Variants in NMT1 observed in about 807,000 individuals in gnomAD.
NMT1 encodes the protein glycylpeptide N-tetradecanoyltransferase 1.
In NMT1, 12 loss-of-function variants were observed where a neutral mutation model predicts 63.4. The ratio of observed to expected loss-of-function variants is 0.19; its 90% CI spans 0.12 to 0.31. The LOEUF (loss-of-function observed/expected upper bound fraction) is 0.31, where lower values mean the gene tolerates loss of function less well. Ranked by LOEUF, NMT1 falls within the 10% of genes least tolerant of loss-of-function variation. NMT1 has a pLI of 1.00. For synonymous variants in NMT1, 228 were observed against 234.3 expected (o/e 0.97, Z 0.25); for missense variants, 432 against 634.6 (o/e 0.68, Z 3.43).
chr17:45,070,597 T>C lies in NMT1; in HGVS notation c.131+9137T>C, dbSNP rs111360250. The stretch of plus-strand genomic sequence containing the variant: ...CACGCCCGGCTAATTTTTTGTATTT[T>C]TAGTAGAGACGGGGTTTCACCGTAT... On this transcript the variant is annotated intron_variant, in intron 1 of 11. Transcript: ENST00000258960. Among the ~76,000 whole-genome samples the C allele has an allele frequency of 6.0e-3, 918 of 152,296 alleles. 11 individuals are homozygous for C. The highest frequency in any genetic ancestry group is 0.021 in the African/African-American group (888 of 41,566).
chr17:45,070,168 G>C (rs1187790469), intron 1 of NMT1, among the ~76,000 whole-genome samples: 1 of 152,144 alleles, frequency 6.6e-6, no homozygotes, highest in East Asian at 1.9e-4. Context: ...ATCCCAGGGA[G>C]GGCCGAGGGT....
At chr17:45,071,795 GTCGTGGGGCACTACTACA>G (rs766860491) in intron 1 of NMT1, among the ~76,000 whole-genome samples, 149 of 152,216 alleles carry the variant, frequency 9.8e-4, no homozygotes, top group Non-Finnish European at 1.9e-3. Flanking sequence ...CACAAGCGTG[GTCGTGGGGCACTACTACA>G]TCGTGAGACT....
At chr17:45,086,970 G>A (rs752402227) in intron 3 of NMT1, among the ~76,000 whole-genome samples, 6 of 149,678 alleles carry the variant, frequency 4.0e-5, no homozygotes, top group Non-Finnish European at 5.9e-5. Context: ...ACCAGCCTGG[G>A]CAACATAGAC....
chr17:45,104,564 A>AT lies in NMT1; in HGVS notation c.1333-293dup. 8.4e-7 allele frequency: 1 copy of AT among 1,192,256 alleles called. No homozygotes were observed. Among genetic ancestry groups the AT allele is most frequent in the Non-Finnish European group, 1.0e-6 (1 of 955,896 alleles). The allele number at this position is 1,192,256 out of a possible 1,614,324, so 73.9% of individuals were successfully genotyped here. On this transcript the variant is annotated intron_variant, in intron 10 of 11. Transcript: ENST00000258960. The surrounding 1 kb of genome is among the most constrained non-coding windows in gnomAD (Gnocchi z 4.2). ...TTGGACTCCAGAGAGGACTGTGGAA[A>AT]TTACTAGAGTTTCAGGGAGGCATAA...
intron 8 of NMT1, among the ~76,000 whole-genome samples, chr17:45,101,728 T>C (rs1430363070): frequency 6.6e-6 from 1 of 151,796 alleles, no homozygotes; most frequent in Non-Finnish European, 1.5e-5. Flanking sequence ...CCTGCTGACA[T>C]GAGGCTGCCT....
At chr17:45,093,510 CAGTT>C (rs2054102701) in intron 3 of NMT1, 171 bp from the exon 4 acceptor site, 2 of 572,180 alleles carry the variant, frequency 3.5e-6, no homozygotes, top group Admixed American at 6.5e-5. Context: ...AATTGGCCCT[CAGTT>C]AGGGGCTAAG....
chr17:45,107,553 C>T lies in NMT1; in HGVS notation c.*1914C>T, dbSNP rs540250520. The T allele has an allele frequency of 6.5e-6, 1 of 152,806 alleles. No homozygotes were observed. Among genetic ancestry groups the T allele is most frequent in the South Asian group, 2.1e-4 (1 of 4,834 alleles). The allele number at this position is 152,806 out of a possible 1,614,324, so 9.5% of individuals were successfully genotyped here. ...GGGGCTTGCTTTGCAGCCCCACAGA[C>T]AACAGTTGCACAGTGCCTCAAGCCC... On this transcript the variant is annotated 3_prime_UTR_variant, in exon 12 of 12. Coordinates refer to ENST00000258960, the MANE Select transcript of NMT1 (RefSeq NM_021079.5).
intron 2 of NMT1, among the ~76,000 whole-genome samples, chr17:45,082,506 T>G (rs1361682856): frequency 6.6e-6 from 1 of 152,200 alleles, no homozygotes; most frequent in Non-Finnish European, 1.5e-5. Context: ...CACAGAGTCT[T>G]TCTGAGTTCT....
At chr17:45,098,297 T>G (rs1289144103) in intron 6 of NMT1, 85 bp from the exon 7 acceptor site, 1 of 1,326,576 alleles carries the variant, frequency 7.5e-7, no homozygotes, top group African/African-American at 1.4e-5. Flanking sequence ...ACCTGGTCCT[T>G]CTAGGTGTGG....
chr17:45,098,520 G>T lies in NMT1; in HGVS notation c.852G>T (p.Gly284=), dbSNP rs777042262. ...EGIFQAVYTA[G]VVLPKPVGTC... Reference sequence around the variant, plus strand: ...TCTTCCAAGCAGTTTACACTGCCGGGGTGGTACTACCAAAGCCCGTTGGCA... The same window carrying T: ...TCTTCCAAGCAGTTTACACTGCCGGTGTGGTACTACCAAAGCCCGTTGGCA... The change falls in exon 7 of 12, where the codon GGG becomes GGT. Residue 284 remains glycine (G), a synonymous_variant. Coordinates refer to ENST00000258960, the MANE Select transcript of NMT1 (RefSeq NM_021079.5). 2 of 1,614,168 alleles carry T rather than the reference G, an allele frequency of 1.2e-6. No homozygotes were observed. Among genetic ancestry groups the T allele is most frequent in the South Asian group, 2.2e-5 (2 of 91,084 alleles).
intron 1 of NMT1, among the ~76,000 whole-genome samples, chr17:45,079,351 C>T (rs8067053): frequency 0.21 from 31,743 of 152,012 alleles, 3,691 homozygotes; most frequent in African/African-American, 0.28. Flanking sequence ...ATCTGTCTGC[C>T]GCGGCTTCCC....
chr17:45,101,937 C>T (rs892250691), intron 8 of NMT1, among the ~76,000 whole-genome samples: 3 of 152,168 alleles, frequency 2.0e-5, no homozygotes, highest in African/African-American at 7.2e-5. Flanking sequence ...CGTTCTAGGC[C>T]GGTGGGCAGG....
intron 4 of NMT1, among the ~76,000 whole-genome samples, chr17:45,095,946 G>C (rs1342336679): frequency 1.3e-5 from 2 of 152,186 alleles, no homozygotes; most frequent in African/African-American, 4.8e-5. Flanking sequence ...GCAGAATGAT[G>C]AAGTGGTTGG....
chr17:45,063,842 G>C (rs1442032188), intron 1 of NMT1, among the ~76,000 whole-genome samples: 2 of 151,974 alleles, frequency 1.3e-5, no homozygotes, highest in African/African-American at 4.8e-5. Context: ...GCTGCAGTGA[G>C]TTGAGATTGC....
Position 45,104,299 on chromosome 17 carries a change from T to TA in NMT1, c.1332+425dup. On this transcript the variant is annotated intron_variant, in intron 10 of 11. Coordinates refer to ENST00000258960, the MANE Select transcript of NMT1 (RefSeq NM_021079.5). This position sits in a 1 kb window ranked among gnomAD's most constrained non-coding sequence, Gnocchi z 4.2. ...GTCAGTGCTTTGCTGTGGGTTCTGG[T>TA]AACCTGTGCCCAGCCCAGCCCAGCC... 1.7e-6 allele frequency: 2 copies of TA among 1,181,346 alleles called. No individual in the cohort carries two copies. The highest frequency in any genetic ancestry group is 2.1e-6 in the Non-Finnish European group (2 of 941,972). 73.2% of individuals were successfully genotyped at this position (1,181,346 alleles called of 1,614,324 possible).
At chr17:45,080,223 C>T (rs1339453280) in intron 1 of NMT1, among the ~76,000 whole-genome samples, 1 of 151,396 alleles carries the variant, frequency 6.6e-6, no homozygotes, top group Non-Finnish European at 1.5e-5. Flanking sequence ...TGCCGTGGCG[C>T]GATCTTGGCT....
intron 7 of NMT1, 93 bp from the exon 8 acceptor site, chr17:45,099,312 C>T (rs983141162): frequency 7.0e-6 from 6 of 853,400 alleles, no homozygotes; most frequent in African/African-American, 4.9e-5. Flanking sequence ...GTGTCTCTCA[C>T]GCCACCTGCT....
Position 45,104,720 on chromosome 17 carries a change from G to C in NMT1, c.1333-139G>C. Reference sequence around the variant, plus strand: ...AACCACCCGGAGAGCGGGGATTAACGTGGAAGCAGCGGAGCTTCTGAGGGA... The same window carrying C: ...AACCACCCGGAGAGCGGGGATTAACCTGGAAGCAGCGGAGCTTCTGAGGGA... On this transcript the variant is annotated intron_variant, in intron 10 of 11. Coordinates refer to ENST00000258960, the MANE Select transcript of NMT1 (RefSeq NM_021079.5). The surrounding 1 kb of genome is among the most constrained non-coding windows in gnomAD (Gnocchi z 4.2). 6.7e-7 allele frequency: 1 copy of C among 1,481,740 alleles called. No individual in the cohort carries two copies. The highest frequency in any genetic ancestry group is 8.9e-7 in the Non-Finnish European group (1 of 1,118,066). The allele number at this position is 1,481,740 out of a possible 1,614,324, so 91.8% of individuals were successfully genotyped here.
chr17:45,099,760 G>T, intron 8 of NMT1: 1 of 513,164 alleles, frequency 1.9e-6, no homozygotes, highest in South Asian at 2.3e-5. Context: ...CTGTTGAAAG[G>T]CTCAGAGAAC....
Sources: gnomAD v4.1 joint callset for allele counts (sites outside exome capture counted in the v4.1 genomes callset) on GRCh38, gnomAD v4.1.1 for gene constraint, Gnocchi (gnomAD v3.1) non-coding constraint, MANE v1.5 for transcripts, NCBI Gene and HGNC (gene_info 2026-07-23, HGNC 2026-07-21) for gene names.